The following TYK2 variants were observed in gnomAD, a reference collection of about 807,000 sequenced individuals.
TYK2 encodes tyrosine kinase 2.
A neutral mutation model predicts 130.9 loss-of-function variants in TYK2; 65 were observed. The observed-to-expected ratio is 0.50, with a 90% CI of 0.41 to 0.61. The LOEUF (loss-of-function observed/expected upper bound fraction) is 0.61, where lower values mean the gene tolerates loss of function less well. Ranked by LOEUF, TYK2 falls within the 20% of genes least tolerant of loss-of-function variation. The pLI, the probability that TYK2 is intolerant of heterozygous loss-of-function variation, is 0.00. For missense variants in TYK2, 1,378 were observed against 1,610.7 expected (o/e 0.86, Z 2.47); for synonymous variants, 647 against 658.9 (o/e 0.98, Z 0.28).
chr19:10,378,168 T>C, intron 3 of TYK2, 46 bp downstream of exon 3: 2 of 1,599,896 alleles, frequency 1.3e-6, no homozygotes, highest in Non-Finnish European at 1.7e-6. Flanking sequence ...CAGCTGCTGC[T>C]TGCACACCCA....
intron 3 of TYK2, among the ~76,000 whole-genome samples, chr19:10,372,484 A>ATATATATATATAT (rs1390400916): frequency 5.3e-5 from 2 of 37,424 alleles, no homozygotes; most frequent in African/African-American, 2.6e-4. Flanking sequence ...ATATATATAT[A>ATATATATATATAT]TTTTTTTTTT....
chr19:10,365,078 G>A lies in TYK2; in HGVS notation c.1012-30C>T, dbSNP rs200943550. 7.0e-6 allele frequency: 11 copies of A among 1,581,002 alleles called. No individual in the cohort carries two copies. The East Asian group carries it at 2.0e-4, about 29-fold the overall frequency. ...ACACCCAGCAAGTGGGGCAGAGGAT[G>A]GAGAGGGCAATGCCCGTTTATACCT... On this transcript the variant is annotated intron_variant, in intron 7 of 24. Transcript: ENST00000525621.
chr19:10,372,270 G>T (rs2041936418), intron 3 of TYK2, among the ~76,000 whole-genome samples: 1 of 148,974 alleles, frequency 6.7e-6, no homozygotes, highest in African/African-American at 2.5e-5. Flanking sequence ...TGGGATTACA[G>T]GCGTGAGCCA....
At chr19:10,356,877 C>G in intron 17 of TYK2, 159 bp from the exon 18 acceptor site, 2 of 742,954 alleles carry the variant, frequency 2.7e-6, no homozygotes, top group Non-Finnish European at 4.6e-6. Flanking sequence ...AGTGGGAGGA[C>G]GTGCTCACAG....
Position 10,361,899 on chromosome 19 carries a change from C to T in TYK2, c.1830G>A (p.Val610=). 1.9e-6 allele frequency: 3 copies of T among 1,614,080 alleles called. No homozygotes were observed. The highest frequency in any genetic ancestry group is 2.7e-5 in the African/African-American group (2 of 75,042). The change falls in exon 13 of 25, where the codon GTG becomes GTA. Residue 610 remains valine, a synonymous_variant. Coordinates refer to ENST00000525621, the MANE Select transcript of TYK2 (RefSeq NM_003331.5). The surrounding 1 kb of genome is among the most constrained non-coding windows in gnomAD (Gnocchi z 4.0). ...RTNVYEGRLR[V]EGSGDPEEGK... is the part of the protein sequence containing the mutation. ...CCTCCTCAGGGTCCCCGCTGCCCTC[C>T]ACTCGCAGGCGGCCCTCATACACGT...
intron 3 of TYK2, among the ~76,000 whole-genome samples, chr19:10,377,576 GTGGATGGATGGATGGATGAATGGA>G (rs2042186183): frequency 1.6e-4 from 8 of 51,182 alleles, no homozygotes; most frequent in Non-Finnish European, 2.3e-4. Context: ...GGGTGGGTGG[GTGGATGGATGGATGGATGAATGGA>G]TGGATGGGTG....
chr19:10,357,352 G>C (rs966919587), intron 17 of TYK2: 4 of 620,810 alleles, frequency 6.4e-6, no homozygotes, highest in Non-Finnish European at 8.7e-6. Context: ...TCACGCCATT[G>C]CATTCCAGCC....
chr19:10,354,038 C>T lies in TYK2; in HGVS notation c.2908+4G>A, dbSNP rs766865578. On this transcript the variant is annotated splice_donor_region_variant and intron_variant, in intron 20 of 24. Transcript: ENST00000525621. ...GTCTCTAGGACTCGCCGGGTCCCGC[C>T]CACCTTGGTCCTCGCAGCAGCCCTT... The T allele has an allele frequency of 2.9e-5, 47 of 1,614,026 alleles. No individual in the cohort carries two copies. Among genetic ancestry groups the T allele is most frequent in the Non-Finnish European group, 4.0e-5 (47 of 1,180,008 alleles).
chr19:10,361,015 A>C lies in TYK2; in HGVS notation c.2047+496T>G. ...AGCGATCCTCCCACCTCTGCCTCCC[A>C]AAGTGCTGGGATAGGTGTGAGCCAC... is the stretch of plus-strand genomic sequence containing the variant. On this transcript the variant is annotated intron_variant, in intron 14 of 24. Coordinates refer to ENST00000525621, the MANE Select transcript of TYK2 (RefSeq NM_003331.5). The surrounding 1 kb of genome is among the most constrained non-coding windows in gnomAD (Gnocchi z 4.0). 5.1e-6 allele frequency: 2 copies of C among 391,882 alleles called. No individual in the cohort carries two copies. Among genetic ancestry groups the C allele is most frequent in the Non-Finnish European group, 1.0e-5 (2 of 195,664 alleles). 24.3% of individuals were successfully genotyped at this position (391,882 alleles called of 1,614,324 possible). A position where few individuals can be genotyped will look rare whatever the true frequency, so the allele number is the denominator to read the frequency against.
chr19:10,351,746 A>AT (rs201832152), intron 23 of TYK2, among the ~76,000 whole-genome samples: 48 of 150,206 alleles, frequency 3.2e-4, no homozygotes, highest in African/African-American at 9.7e-4. Flanking sequence ...ACCGTCCAGA[A>AT]TTTTTTTTTT....
Position 10,362,164 on chromosome 19 carries a change from T to A in TYK2, c.1687A>T (p.Ile563Phe). The change falls in exon 12 of 25, where the codon ATC becomes TTC. Residue 563 changes from isoleucine (I) to phenylalanine (F), a missense_variant. By Grantham distance (21) the Ile-to-Phe change is conservative. Transcript: ENST00000525621. The stretch of plus-strand genomic sequence containing the variant: ...GGGCTGGCCCGAGCCCCCCGCATGA[T>A]GATGAGATTGGAGGTTTCTGGGGGC... ...PQPGETSNLI[I>F]MRGARASPRT... The A allele has an allele frequency of 2.5e-6, 4 of 1,613,948 alleles. No individual in the cohort carries two copies. The highest frequency in any genetic ancestry group is 3.4e-6 in the Non-Finnish European group (4 of 1,179,984).
At chr19:10,371,900 GTGTCCC>G (rs2041919954) in intron 3 of TYK2, among the ~76,000 whole-genome samples, 1 of 152,104 alleles carries the variant, frequency 6.6e-6, no homozygotes, top group Admixed American at 6.6e-5. Flanking sequence ...ATTCTCATAA[GTGTCCC>G]TGGGAGCACA....
chr19:10,361,720 C>A lies in TYK2; in HGVS notation c.1959+50G>T, dbSNP rs369359959. ...CACACCCCTCCCATCCCACCTCCTCCGGCCACCTCCTCCACAGACACACCC... is the reference window on the plus strand; with the variant it reads ...CACACCCCTCCCATCCCACCTCCTCAGGCCACCTCCTCCACAGACACACCC... On this transcript the variant is annotated intron_variant, in intron 13 of 24. Coordinates refer to ENST00000525621, the MANE Select transcript of TYK2 (RefSeq NM_003331.5). This position sits in a 1 kb window ranked among gnomAD's most constrained non-coding sequence, Gnocchi z 4.0. 2 of 1,598,814 alleles carry A rather than the reference C, an allele frequency of 1.3e-6. No individual in the cohort carries two copies. Among genetic ancestry groups the A allele is most frequent in the African/African-American group, 2.7e-5 (2 of 74,410 alleles).
chr19:10,378,396 C>T lies in TYK2; in HGVS notation c.11G>A (p.Arg4His), dbSNP rs12720343. The change falls in exon 3 of 25, where the codon CGC becomes CAC. Residue 4 changes from arginine to histidine, a missense_variant. Physicochemically the swap from Arg to His is conservative, Grantham distance 29. Coordinates refer to ENST00000525621, the MANE Select transcript of TYK2 (RefSeq NM_003331.5). MPL[R>H]HWGMARGSKP... Reference sequence around the variant, plus strand: ...ACTGCCCCTGGCCATCCCCCAGTGGCGCAGAGGCATGCTCCCGGCAGGTGG... The same window carrying T: ...ACTGCCCCTGGCCATCCCCCAGTGGTGCAGAGGCATGCTCCCGGCAGGTGG... 8.8e-5 allele frequency: 141 copies of T among 1,610,708 alleles called. No individual in the cohort carries two copies. Among genetic ancestry groups the T allele is most frequent in the African/African-American group, 1.9e-4 (14 of 75,018 alleles).
chr19:10,356,869 T>G (rs905576042), intron 17 of TYK2, 151 bp from the exon 18 acceptor site: 23 of 773,910 alleles, frequency 3.0e-5, no homozygotes, highest in Admixed American at 2.7e-4. Flanking sequence ...CTCCACAAAG[T>G]GGGAGGACGT....
intron 3 of TYK2, chr19:10,369,879 T>TA (rs768081406): frequency 1.2e-4 from 43 of 347,884 alleles, no homozygotes; most frequent in Non-Finnish European, 2.0e-4. Flanking sequence ...CCGTCTCTAC[T>TA]AAAAAATACA....
intron 3 of TYK2, among the ~76,000 whole-genome samples, chr19:10,375,858 C>T (rs933996469): frequency 4.0e-5 from 6 of 150,498 alleles, no homozygotes; most frequent in African/African-American, 1.2e-4. Flanking sequence ...ACCCGGGAGG[C>T]GGAGGTTGCA....
chr19:10,362,137 TG>T lies in TYK2; in HGVS notation c.1713del (p.Arg572GlyfsTer91). On this transcript the variant is annotated frameshift_variant, in exon 12 of 25. Coordinates refer to ENST00000525621, the MANE Select transcript of TYK2 (RefSeq NM_003331.5). LOFTEE classifies it high-confidence loss of function. Reference protein sequence around the residue: ...LIIMRGARASPRTLNLSQLSF... With the variant: ...LIIMRGARASXRTLNLSQLSF... ...CTGAGCTGGCTGAGGTTGAGTGTCC[TG>T]GGGCTGGCCCGAGCCCCCCGCATGA... 1 of 1,614,028 alleles carries T rather than the reference TG, an allele frequency of 6.2e-7. No homozygotes were observed. Among genetic ancestry groups the T allele is most frequent in the Non-Finnish European group, 8.5e-7 (1 of 1,180,006 alleles).
Position 10,353,899 on chromosome 19 carries a change from C to A in TYK2, c.2908+143G>T. 1.1e-6 allele frequency: 1 copy of A among 938,694 alleles called. No individual in the cohort carries two copies. The highest frequency in any genetic ancestry group is 1.5e-5 in the South Asian group (1 of 68,222). 58.1% of individuals were successfully genotyped at this position (938,694 alleles called of 1,614,324 possible). A position where few individuals can be genotyped will look rare whatever the true frequency, so the allele number is the denominator to read the frequency against. On this transcript the variant is annotated intron_variant, in intron 20 of 24. Coordinates refer to ENST00000525621, the MANE Select transcript of TYK2 (RefSeq NM_003331.5). The surrounding 1 kb of genome is among the most constrained non-coding windows in gnomAD (Gnocchi z 6.9). ...GGGAAGGAGGCAGCCCAGCCACGCT[C>A]ACCCAGATGCCAAGAACCGCGTACT...
Sources: allele counts gnomAD v4.1 joint callset (sites outside exome capture counted in the v4.1 genomes callset), GRCh38; gene constraint gnomAD v4.1.1; non-coding constraint Gnocchi (gnomAD v3.1); transcripts MANE v1.5; gene names NCBI Gene and HGNC (gene_info 2026-07-23, HGNC 2026-07-21).